The following EXOSC7 variants were observed in gnomAD, a reference collection of about 807,000 sequenced individuals.
The protein encoded by EXOSC7 is exosome component 7, also known as exosome complex component RRP42.
Under a neutral mutation model 34.3 loss-of-function variants are expected in EXOSC7, and 25 were observed. The observed-to-expected ratio is 0.73, with a 90% CI of 0.53 to 1.02. The LOEUF (loss-of-function observed/expected upper bound fraction) is 1.02. EXOSC7 is among the 50% of genes least tolerant of loss of function. The pLI, the probability that EXOSC7 is intolerant of heterozygous loss-of-function variation, is 0.00. For synonymous variants in EXOSC7, 130 were observed against 143.0 expected, an observed-to-expected ratio of 0.91 and a Z score of 0.65; for missense variants, 370 against 368.5, an observed-to-expected ratio of 1.00 and a Z score of -0.03.
rs147457955 is a variant in EXOSC7, at chr3:44,992,584, G to T, written c.254+2940G>T. ...TGACCCTGAGCCCTGTTCCAGAGAT[G>T]CCTGGCAGCACTGTCACTAAACTGG... On this transcript the variant is annotated intron_variant, in intron 3 of 7. Coordinates refer to ENST00000265564, the MANE Select transcript of EXOSC7 (RefSeq NM_015004.4). 2.0e-4 allele frequency among the ~76,000 whole-genome samples: 31 copies of T among 152,300 alleles called. No homozygotes were observed. In the East Asian group the frequency reaches 6.0e-3, roughly 29 times the overall value.
At chr3:44,998,213 A>T (rs1576017430) in intron 4 of EXOSC7, among the ~76,000 whole-genome samples, 1 of 150,966 alleles carries the variant, frequency 6.6e-6, no homozygotes, top group African/African-American at 2.4e-5. Context: ...TTTTTGTATT[A>T]TTAGTAGAGA....
Position 45,008,366 on chromosome 3 carries a change from A to G in EXOSC7, c.771+791A>G, listed in dbSNP as rs149411232. ...CAGAGATCATTGCTTAATAGCAAGC[A>G]CTCTTCTTTTGTGTTTAGAAACAAT... is the stretch of plus-strand genomic sequence containing the variant. On this transcript the variant is annotated intron_variant, in intron 7 of 7. Transcript: ENST00000265564. 7.9e-4 allele frequency among the ~76,000 whole-genome samples: 121 copies of G among 152,322 alleles called. 2 individuals carry two copies. The highest frequency in any genetic ancestry group is 2.7e-3 in the African/African-American group (114 of 41,568).
intron 7 of EXOSC7, among the ~76,000 whole-genome samples, chr3:45,008,804 G>A (rs531397147): frequency 4.0e-4 from 61 of 152,306 alleles, no homozygotes; most frequent in African/African-American, 1.4e-3. Flanking sequence ...GTTTTAGAAG[G>A]TACTCTTCCC....
chr3:44,993,225 A>G (rs1706619594), intron 3 of EXOSC7, among the ~76,000 whole-genome samples: 1 of 152,132 alleles, frequency 6.6e-6, no homozygotes, highest in Non-Finnish European at 1.5e-5. Context: ...CTCAGAATAT[A>G]CTTACTATTG....
chr3:44,999,405 C>T (rs1016941113), intron 4 of EXOSC7, among the ~76,000 whole-genome samples: 1 of 152,060 alleles, frequency 6.6e-6, no homozygotes, highest in Non-Finnish European at 1.5e-5. Context: ...TTGTCATTTT[C>T]TGACCGGGCA....
chr3:44,990,449 A>G (rs747060895), intron 3 of EXOSC7, among the ~76,000 whole-genome samples: 2 of 152,008 alleles, frequency 1.3e-5, no homozygotes, highest in East Asian at 1.9e-4. Context: ...TCTTCTATCA[A>G]TTACTTTGCT....
At chr3:44,994,907 T>TG (rs1706679322) in intron 3 of EXOSC7, among the ~76,000 whole-genome samples, 1 of 130,104 alleles carries the variant, frequency 7.7e-6, no homozygotes, top group Non-Finnish European at 1.7e-5. Context: ...GTGTGTGTGT[T>TG]TTAAGCCATT....
intron 3 of EXOSC7, 132 bp from the exon 4 acceptor site, chr3:44,996,955 C>T: frequency 1.1e-6 from 1 of 883,128 alleles, no homozygotes; most frequent in Non-Finnish European, 1.8e-6. Flanking sequence ...CCATCCTTTC[C>T]TCATCTCAGT....
At chr3:44,996,188 C>T (rs1576015208) in intron 3 of EXOSC7, among the ~76,000 whole-genome samples, 2 of 152,294 alleles carry the variant, frequency 1.3e-5, no homozygotes. Flanking sequence ...TTATAGAGTC[C>T]ATGCTGAAAC....
chr3:44,984,004 T>C (rs1706342437), intron 1 of EXOSC7, among the ~76,000 whole-genome samples: 1 of 152,238 alleles, frequency 6.6e-6, no homozygotes. Context: ...TTTTCATTTA[T>C]CTTTTACTTA....
intron 5 of EXOSC7, among the ~76,000 whole-genome samples, chr3:45,003,452 C>T (rs1036830891): frequency 6.6e-6 from 1 of 152,140 alleles, no homozygotes; most frequent in Non-Finnish European, 1.5e-5. Context: ...ATGGGGAAGA[C>T]CCTTACAGAA....
In EXOSC7 at chr3:44,976,494, C is replaced by A. The variant is rs112635883; in HGVS notation, c.57+160C>A. ...TGCTGCCGGCGTTTGCAATTCAGAG[C>A]TGGCAACGTGGACGTTTTTAGGACT... On this transcript the variant is annotated intron_variant, in intron 1 of 7. Transcript: ENST00000265564. 7.9e-4 allele frequency among the ~76,000 whole-genome samples: 120 copies of A among 152,324 alleles called. 5 individuals carry two copies. The East Asian group carries it at 0.014, about 17-fold the overall frequency.
chr3:44,998,226 G>A (rs546410120), intron 4 of EXOSC7, among the ~76,000 whole-genome samples: 8 of 151,870 alleles, frequency 5.3e-5, no homozygotes, highest in African/African-American at 1.9e-4. Flanking sequence ...AGTAGAGATG[G>A]GGTTTCATCA....
chr3:44,989,232 G>A lies in EXOSC7; in HGVS notation c.150G>A (p.Arg50=), dbSNP rs547363065. The change falls in exon 2 of 8, where the codon AGG becomes AGA. Residue 50 remains arginine (R), a synonymous_variant. Coordinates refer to ENST00000265564, the MANE Select transcript of EXOSC7 (RefSeq NM_015004.4). ...DVVSNTSGSA[R]VKLGHTDILV... ...TGTCCAACACTAGTGGGTCCGCCAG[G>A]GTCAAGCTGGTGAGTACTGTGACCA... The A allele has an allele frequency of 1.2e-6, 2 of 1,612,778 alleles. No individual in the cohort carries two copies. Among genetic ancestry groups the A allele is most frequent in the East Asian group, 2.2e-5 (1 of 44,880 alleles).
intron 3 of EXOSC7, among the ~76,000 whole-genome samples, chr3:44,994,907 T>TGTGTG (rs1706679322): frequency 7.7e-6 from 1 of 130,104 alleles, no homozygotes; most frequent in South Asian, 2.4e-4. Context: ...GTGTGTGTGT[T>TGTGTG]TTAAGCCATT....
intron 3 of EXOSC7, among the ~76,000 whole-genome samples, chr3:44,993,167 A>T (rs1706617600): frequency 6.6e-6 from 1 of 152,214 alleles, no homozygotes; most frequent in Non-Finnish European, 1.5e-5. Flanking sequence ...TCCCAAGCTG[A>T]TGAGATAACT....
Position 45,005,367 on chromosome 3 carries a change from A to G in EXOSC7, c.568A>G (p.Ile190Val), listed in dbSNP as rs1707005454. Reference sequence around the variant, plus strand: ...ATTGTCAGATGACCCTTATGACTGCATACGACTAAGTGTGGAGAATGTCCC... The same window carrying G: ...ATTGTCAGATGACCCTTATGACTGCGTACGACTAAGTGTGGAGAATGTCCC... ...IELSDDPYDCIRLSVENVPCI... is the reference protein window; with the variant it reads ...IELSDDPYDCVRLSVENVPCI... The change falls in exon 6 of 8, where the codon ATA becomes GTA. Residue 190 changes from isoleucine (I) to valine (V), a missense_variant. Physicochemically the swap from Ile to Val is conservative, Grantham distance 29. Coordinates refer to ENST00000265564, the MANE Select transcript of EXOSC7 (RefSeq NM_015004.4). 5 of 1,614,124 alleles carry G rather than the reference A, an allele frequency of 3.1e-6. No individual in the cohort carries two copies. Among genetic ancestry groups the G allele is most frequent in the East Asian group, 2.2e-5 (1 of 44,878 alleles).
chr3:44,989,435 T>G lies in EXOSC7; in HGVS notation c.160-115T>G, dbSNP rs145256694. ...CCTCCTCCAAAGACCACTTTCCAAGTCTTAGCACTGCTCCTAAAAGAGTCC... is the reference window on the plus strand; with the variant it reads ...CCTCCTCCAAAGACCACTTTCCAAGGCTTAGCACTGCTCCTAAAAGAGTCC... On this transcript the variant is annotated intron_variant, in intron 2 of 7. Coordinates refer to ENST00000265564, the MANE Select transcript of EXOSC7 (RefSeq NM_015004.4). The G allele has an allele frequency of 7.6e-5, 69 of 906,030 alleles. No individual in the cohort carries two copies. In the African/African-American group the frequency reaches 7.8e-4, roughly 10 times the overall value. The allele number at this position is 906,030 out of a possible 1,614,324, so 56.1% of individuals were successfully genotyped here.
chr3:44,983,563 C>T (rs1267045662), intron 1 of EXOSC7, among the ~76,000 whole-genome samples: 2 of 152,184 alleles, frequency 1.3e-5, no homozygotes, highest in Admixed American at 1.3e-4. Flanking sequence ...GTTGTGATCA[C>T]ATGGGTAACA....
Sources: gnomAD v4.1 joint callset for allele counts (sites outside exome capture counted in the v4.1 genomes callset) on GRCh38, gnomAD v4.1.1 for gene constraint, MANE v1.5 for transcripts, NCBI Gene and HGNC (gene_info 2026-07-23, HGNC 2026-07-21) for gene names.